CDHR3: variants seen among roughly 807,000 people sequenced by gnomAD.
The protein encoded by CDHR3 is cadherin related family member 3.
CDHR3 carries 79 observed loss-of-function variants against 86.6 expected under a neutral mutation model. That is an observed-to-expected ratio of 0.91 (90% CI 0.76 to 1.10). The LOEUF (loss-of-function observed/expected upper bound fraction) is 1.10. CDHR3 is among the 50% of genes least tolerant of loss of function. CDHR3 has a pLI of 0.00. For missense variants in CDHR3, 1,081 were observed against 1,077.6 expected, an observed-to-expected ratio of 1.00 and a Z score of -0.04; for synonymous variants, 421 against 402.4, an observed-to-expected ratio of 1.05 and a Z score of -0.55.
chr7:106,005,769 C>T (rs1023541148), intron 8 of CDHR3, among the ~76,000 whole-genome samples: 2 of 152,130 alleles, frequency 1.3e-5, no homozygotes, highest in African/African-American at 2.4e-5. Context: ...TCCCTGTTGT[C>T]CCAAATGGCA....
rs146127006 is a variant in CDHR3 at position 105,994,299 on chromosome 7, C to G, written c.514-452C>G. On this transcript the variant is annotated intron_variant, in intron 4 of 18. Coordinates refer to ENST00000317716, the MANE Select transcript of CDHR3 (RefSeq NM_152750.5). ...TAGCTGTATTAAATAGGTATAGTAG[C>G]TGTATTAAATAGGTAATAGGTATAG... Among the ~76,000 whole-genome samples, 257 of 151,666 alleles carry G rather than the reference C, an allele frequency of 1.7e-3. 1 individual carries two copies. Among genetic ancestry groups the G allele is most frequent in the African/African-American group, 6.1e-3 (251 of 41,318 alleles).
intron 13 of CDHR3, 122 bp downstream of exon 13, chr7:106,020,666 T>G (rs1836431432): frequency 9.1e-7 from 1 of 1,098,896 alleles, no homozygotes; most frequent in Admixed American, 2.6e-5. Context: ...GAGGGCATTA[T>G]TTTTTTGAGA....
intron 3 of CDHR3, among the ~76,000 whole-genome samples, chr7:105,982,291 A>C (rs1248793321): frequency 6.6e-6 from 1 of 151,764 alleles, no homozygotes; most frequent in African/African-American, 2.4e-5. Flanking sequence ...ACATGGTGAA[A>C]CCCCATCTCT....
rs913871207 is a variant in CDHR3, at chr7:105,984,253, C to T, written c.477C>T (p.Phe159=). The change falls in exon 4 of 19, where the codon TTC becomes TTT. Residue 159 remains phenylalanine (F), a synonymous_variant. Coordinates refer to ENST00000317716, the MANE Select transcript of CDHR3 (RefSeq NM_152750.5). ...GATTCATTTACCAGGTTGAGGCCTTCGATCCAGAAGACACAAGCCGAAACA... is the reference window on the plus strand; with the variant it reads ...GATTCATTTACCAGGTTGAGGCCTTTGATCCAGAAGACACAAGCCGAAACA... ...NPGFIYQVEA[F]DPEDTSRNIP... 39 of 1,610,148 alleles carry T rather than the reference C, an allele frequency of 2.4e-5. No homozygotes were observed. Among genetic ancestry groups the T allele is most frequent in the South Asian group, 1.4e-4 (13 of 90,370 alleles).
intron 9 of CDHR3, among the ~76,000 whole-genome samples, chr7:106,014,909 G>A (rs886113411): frequency 1.3e-5 from 2 of 152,172 alleles, no homozygotes; most frequent in African/African-American, 4.8e-5. Context: ...CTGTCTCCTG[G>A]TAAATTATTT....
At chr7:105,986,598 A>C (rs1287215565) in intron 4 of CDHR3, among the ~76,000 whole-genome samples, 3 of 152,166 alleles carry the variant, frequency 2.0e-5, no homozygotes, top group Admixed American at 6.5e-5. Context: ...CCCAGGGAAA[A>C]CTGTATTTTT....
intron 18 of CDHR3, among the ~76,000 whole-genome samples, chr7:106,031,804 AAAAG>A (rs1838415450): frequency 6.6e-6 from 1 of 152,160 alleles, no homozygotes; most frequent in Non-Finnish European, 1.5e-5. Context: ...GAAAAAAAAA[AAAAG>A]AAAGACATGA....
chr7:105,978,526 C>A (rs576469528), intron 2 of CDHR3, among the ~76,000 whole-genome samples: 42 of 152,234 alleles, frequency 2.8e-4, no homozygotes, highest in Admixed American at 2.5e-3. Flanking sequence ...TGCCCACAAC[C>A]AAATCGAGGG....
intron 16 of CDHR3, chr7:106,027,540 T>G (rs1358839589): frequency 3.2e-6 from 1 of 308,500 alleles, no homozygotes; most frequent in Non-Finnish European, 6.6e-6. Context: ...TTCAGAGAAG[T>G]GGGTAAATTG....
At chr7:105,991,489 T>C (rs902865230) in intron 4 of CDHR3, among the ~76,000 whole-genome samples, 1 of 152,236 alleles carries the variant, frequency 6.6e-6, no homozygotes, top group Non-Finnish European at 1.5e-5. Context: ...ATCCTTTTTA[T>C]CTGCTGCTGT....
Position 106,004,599 on chromosome 7 carries a change from T to A in CDHR3, c.964T>A (p.Tyr322Asn), listed in dbSNP as rs551198279. ...GGAAGTTCTAGTGAAGGACAGACCA[T>A]ATGGGGGTCAGGAGAATCGCATCCA... ...SLEVLVKDRPYGGQENRIQIT... is the reference protein window; with the variant it reads ...SLEVLVKDRPNGGQENRIQIT... Residue 322 changes from tyrosine (Y) to asparagine (N), a missense_variant, in exon 8 of 19, where the codon TAT becomes AAT. Tyr to Asn is a moderately radical substitution (Grantham distance 143). Transcript: ENST00000317716. 1.9e-6 allele frequency: 3 copies of A among 1,613,944 alleles called. No individual in the cohort carries two copies. The highest frequency in any genetic ancestry group is 2.5e-6 in the Non-Finnish European group (3 of 1,179,876).
In CDHR3 at chr7:106,012,848, TC is replaced by T. The variant is rs1178857143; in HGVS notation, c.1053-11del. ...TTATTGGGGGAAATACTGGATTGTG[TC>T]TTTTCACCAGCATTATGGTGCCGGA... is the stretch of plus-strand genomic sequence containing the variant. On this transcript the variant is annotated splice_polypyrimidine_tract_variant and intron_variant, in intron 8 of 18. Coordinates refer to ENST00000317716, the MANE Select transcript of CDHR3 (RefSeq NM_152750.5). The T allele has an allele frequency of 6.3e-7, 1 of 1,589,172 alleles. No homozygotes were observed. Among genetic ancestry groups the T allele is most frequent in the East Asian group, 2.2e-5 (1 of 44,496 alleles).
At chr7:105,995,702 A>T (rs1478597507) in intron 5 of CDHR3, among the ~76,000 whole-genome samples, 1 of 152,184 alleles carries the variant, frequency 6.6e-6, no homozygotes, top group East Asian at 1.9e-4. Context: ...TTGAAATGGA[A>T]GATGGCATTT....
intron 7 of CDHR3, among the ~76,000 whole-genome samples, chr7:106,002,523 G>A (rs750211414): frequency 6.6e-6 from 1 of 152,116 alleles, no homozygotes; most frequent in African/African-American, 2.4e-5. Context: ...AAGCTCTTAT[G>A]ACTGCTTCAA....
chr7:105,980,613 T>A (rs1252758188), intron 2 of CDHR3, among the ~76,000 whole-genome samples: 7 of 104,810 alleles, frequency 6.7e-5, no homozygotes, highest in Admixed American at 2.2e-4. Context: ...TTTAATTTTT[T>A]TTTTTTTTAA....
chr7:105,980,475 A>G (rs1304239406), intron 2 of CDHR3, among the ~76,000 whole-genome samples: 4 of 151,840 alleles, frequency 2.6e-5, no homozygotes. Context: ...CACAACGTGC[A>G]GGTTTGTTAC....
intron 7 of CDHR3, among the ~76,000 whole-genome samples, 191 bp from the exon 8 acceptor site, chr7:106,004,307 G>C (rs1240951173): frequency 6.6e-6 from 1 of 152,206 alleles, no homozygotes; most frequent in African/African-American, 2.4e-5. Flanking sequence ...ATCCTAGAAG[G>C]GTCAGGCCAG....
chr7:105,980,841 C>T (rs1387654912), intron 2 of CDHR3, 127 bp from the exon 3 acceptor site: 3 of 839,230 alleles, frequency 3.6e-6, no homozygotes, highest in Non-Finnish European at 5.7e-6. Flanking sequence ...GTTCCTCTGA[C>T]AGTGAATGAA....
At chr7:106,024,070 T>C (rs1836988322) in intron 14 of CDHR3, among the ~76,000 whole-genome samples, 1 of 152,188 alleles carries the variant, frequency 6.6e-6, no homozygotes, top group African/African-American at 2.4e-5. Context: ...CCCTGGGTTA[T>C]GCCCAGATAT....
Sources: allele counts gnomAD v4.1 joint callset (sites outside exome capture counted in the v4.1 genomes callset), GRCh38; gene constraint gnomAD v4.1.1; transcripts MANE v1.5; gene names NCBI Gene and HGNC (gene_info 2026-07-23, HGNC 2026-07-21).